Variants in CYP3A5 observed in about 807,000 individuals in gnomAD.
CYP3A5 encodes the protein cytochrome P450 family 3 subfamily A member 5.
Under a neutral mutation model 55.9 loss-of-function variants are expected in CYP3A5, and 51 were observed. The ratio of observed to expected loss-of-function variants is 0.91; its 90% CI spans 0.73 to 1.15. The LOEUF (loss-of-function observed/expected upper bound fraction) is 1.15. Ranked by LOEUF, CYP3A5 falls within the 50% of genes most tolerant of loss-of-function variation. The probability of loss-of-function intolerance (pLI) is 0.00; values close to 1 mark genes in which losing one functional copy is unlikely to be tolerated. For missense variants in CYP3A5, 533 were observed against 596.6 expected (o/e 0.89, Z 1.11); for synonymous variants, 196 against 213.9 (o/e 0.92, Z 0.73).
chr7:99,661,452 C>G (rs1810433408), intron 9 of CYP3A5, among the ~76,000 whole-genome samples: 1 of 152,142 alleles, frequency 6.6e-6, no homozygotes, highest in African/African-American at 2.4e-5. Flanking sequence ...GACAAAAAGC[C>G]AGAAGCATGG....
intron 1 of CYP3A5, 32 bp from the exon 2 acceptor site, chr7:99,676,240 G>A: frequency 6.2e-7 from 1 of 1,611,816 alleles, no homozygotes; most frequent in Non-Finnish European, 8.5e-7. Flanking sequence ...AGGTCACAGG[G>A]ATTGTGACTT....
intron 1 of CYP3A5, among the ~76,000 whole-genome samples, chr7:99,677,536 G>A (rs944109217): frequency 6.6e-6 from 1 of 152,302 alleles, no homozygotes; most frequent in East Asian, 1.9e-4. Context: ...CCTCTTTAGA[G>A]GTTAGCCTTC....
chr7:99,677,154 T>A (rs1812371418), intron 1 of CYP3A5: 1 of 984,218 alleles, frequency 1.0e-6, no homozygotes, highest in Non-Finnish European at 1.2e-6. Flanking sequence ...AACTCATCTT[T>A]CATGAGTCAT....
rs10264272 is a variant in CYP3A5 at position 99,665,212 on chromosome 7, C to T, written c.624G>A (p.Lys208=). Residue 208 remains lysine (K), a synonymous_variant, in exon 7 of 13, where the codon AAG becomes AAA. Transcript: ENST00000222982. ...CTAAGAAACCAAATTTTAGGAACTTCTTAGTGCTCTCCACAAAGGGGTCTT... is the reference window on the plus strand; with the variant it reads ...CTAAGAAACCAAATTTTAGGAACTTTTTAGTGCTCTCCACAAAGGGGTCTT... ...NPQDPFVEST[K]KFLKFGFLDP... 7.5e-3 allele frequency: 12,036 copies of T among 1,614,048 alleles called. 653 individuals are homozygous for T. In the African/African-American group the frequency reaches 0.13, roughly 17 times the overall value.
intron 3 of CYP3A5, 190 bp downstream of exon 3, chr7:99,674,343 C>G (rs954896826): frequency 2.1e-6 from 1 of 468,532 alleles, no homozygotes; most frequent in Non-Finnish European, 3.8e-6. Context: ...TAGTTTATAA[C>G]GGCAAGCAGA....
chr7:99,665,102 G>T, intron 7 of CYP3A5, 64 bp downstream of exon 7: 1 of 1,338,844 alleles, frequency 7.5e-7, no homozygotes, highest in South Asian at 1.4e-5. Flanking sequence ...TATACGATAT[G>T]TGAATTATAT....
rs190281703 is a variant in CYP3A5, at chr7:99,653,343, C to A, written c.1027-564G>T. 2.0e-4 allele frequency among the ~76,000 whole-genome samples: 31 copies of A among 152,088 alleles called. No individual in the cohort carries two copies. Among genetic ancestry groups the A allele is most frequent in the African/African-American group, 7.2e-4 (30 of 41,484 alleles). On this transcript the variant is annotated intron_variant, in intron 10 of 12. Coordinates refer to ENST00000222982, the MANE Select transcript of CYP3A5 (RefSeq NM_000777.5). This position sits in a 1 kb window ranked among gnomAD's most constrained non-coding sequence, Gnocchi z 4.2. ...GCGTGTGCCTGTAGTTCCAGCTACT[C>A]AGGAGACAGAGGCGGGAGGATGGCT...
intron 4 of CYP3A5, among the ~76,000 whole-genome samples, chr7:99,669,282 A>G (rs1230884736): frequency 2.0e-5 from 3 of 152,230 alleles, no homozygotes; most frequent in African/African-American, 7.2e-5. Flanking sequence ...ATTATATGCA[A>G]AAACGTGCTG....
Position 99,665,176 on chromosome 7 carries a change from A to G in CYP3A5, c.660T>C (p.Phe220=), listed in dbSNP as rs777118165. ...TAATAGCCCACATACTTATTGAGAGAAATAATGGATCTAAGAAACCAAATT... is the reference window on the plus strand; with the variant it reads ...TAATAGCCCACATACTTATTGAGAGGAATAATGGATCTAAGAAACCAAATT... ...FLKFGFLDPL[F]LSIILFPFLT... Residue 220 remains phenylalanine, a synonymous_variant, in exon 7 of 13, where the codon TTT becomes TTC. Transcript: ENST00000222982. 1 of 1,611,486 alleles carries G rather than the reference A, an allele frequency of 6.2e-7. No individual in the cohort carries two copies. Among genetic ancestry groups the G allele is most frequent in the Non-Finnish European group, 8.5e-7 (1 of 1,178,090 alleles).
At chr7:99,659,475 G>C (rs1467892102) in intron 10 of CYP3A5, 1 of 154,492 alleles carries the variant, frequency 6.5e-6, no homozygotes, top group Non-Finnish European at 1.4e-5. Flanking sequence ...TGAGGTGTCA[G>C]TCTGCCCCTA....
chr7:99,658,370 G>T (rs546232684), intron 10 of CYP3A5, among the ~76,000 whole-genome samples: 2 of 152,232 alleles, frequency 1.3e-5, no homozygotes, highest in Admixed American at 1.3e-4. Context: ...TGAAATTCTG[G>T]GTTGAAAATT....
rs77473044 is a variant in CYP3A5 at position 99,677,763 on chromosome 7, C to A, written c.72-1555G>T. ...AGGGTGGCCTTGGGTATTCCCACTT[C>A]AGTTCCCTCCTTTGTTGTCACAGCC... is the stretch of plus-strand genomic sequence containing the variant. On this transcript the variant is annotated intron_variant, in intron 1 of 12. Transcript: ENST00000222982. Among the ~76,000 whole-genome samples, 752 of 152,316 alleles carry A rather than the reference C, an allele frequency of 4.9e-3. 8 individuals carry two copies. Among genetic ancestry groups the A allele is most frequent in the African/African-American group, 0.017 (697 of 41,568 alleles).
chr7:99,673,822 C>T (rs1163251057), intron 3 of CYP3A5, among the ~76,000 whole-genome samples: 2 of 152,178 alleles, frequency 1.3e-5, no homozygotes, highest in Non-Finnish European at 2.9e-5. Context: ...GGGGAATAGG[C>T]AGACACTGGA....
At chr7:99,664,826 A>C (rs558188706) in intron 7 of CYP3A5, among the ~76,000 whole-genome samples, 1 of 152,332 alleles carries the variant, frequency 6.6e-6, no homozygotes, top group African/African-American at 2.4e-5. Flanking sequence ...TAACAGACTA[A>C]AATAAACTCA....
Position 99,652,598 on chromosome 7 carries a change from T to C in CYP3A5, c.1208A>G (p.His403Arg), listed in dbSNP as rs778381275. The C allele has an allele frequency of 5.0e-6, 8 of 1,613,996 alleles. No homozygotes were observed. Among genetic ancestry groups the C allele is most frequent in the Non-Finnish European group, 6.8e-6 (8 of 1,179,912 alleles). ...MVVIPTYALHHDPKYWTEPEE... is the reference protein window; with the variant it reads ...MVVIPTYALHRDPKYWTEPEE... ...AGGCTCTGTCCAGTACTTTGGGTCATGGTGAAGAGCATAAGTTGGAATCAC... is the reference window on the plus strand; with the variant it reads ...AGGCTCTGTCCAGTACTTTGGGTCACGGTGAAGAGCATAAGTTGGAATCAC... The change falls in exon 11 of 13, where the codon CAT (histidine) becomes CGT (arginine). Residue 403 changes from histidine (H) to arginine (R), a missense_variant. Transcript: ENST00000222982.
intron 12 of CYP3A5, 40 bp downstream of exon 12, chr7:99,650,033 T>TA (rs1332662665): frequency 6.2e-7 from 1 of 1,609,222 alleles, no homozygotes; most frequent in Admixed American, 1.7e-5. Context: ...ACCCTTCAGT[T>TA]AAAAAAATTC....
chr7:99,657,912 C>CT, intron 10 of CYP3A5, among the ~76,000 whole-genome samples: 1 of 152,032 alleles, frequency 6.6e-6, no homozygotes, highest in East Asian at 1.9e-4. Flanking sequence ...CAACCCCTGC[C>CT]TTTTTTTGTT....
At chr7:99,670,668 A>G (rs1190536756) in intron 4 of CYP3A5, among the ~76,000 whole-genome samples, 1 of 152,212 alleles carries the variant, frequency 6.6e-6, no homozygotes, top group Non-Finnish European at 1.5e-5. Flanking sequence ...TGTCTTCCCA[A>G]TGACAAATAT....
intron 6 of CYP3A5, 70 bp from the exon 7 acceptor site, chr7:99,665,384 G>A: frequency 6.4e-7 from 1 of 1,573,166 alleles, no homozygotes; most frequent in South Asian, 1.1e-5. Context: ...CATGCAGCAA[G>A]AAACCCACAT....
Sources: allele counts gnomAD v4.1 joint callset (sites outside exome capture counted in the v4.1 genomes callset), GRCh38; gene constraint gnomAD v4.1.1; non-coding constraint Gnocchi (gnomAD v3.1); transcripts MANE v1.5; gene names NCBI Gene and HGNC (gene_info 2026-07-23, HGNC 2026-07-21).